The following RIGI variants were observed in gnomAD, a reference collection of about 807,000 sequenced individuals.
RIGI encodes RNA sensor RIG-I, also known as antiviral innate immune response receptor RIG-I.
At chr9:32,460,116 C>T in the RIGI span, among the ~76,000 whole-genome samples, 1 of 152,194 alleles carries the variant, frequency 6.6e-6, no homozygotes, top group Non-Finnish European at 1.5e-5. Context: ...GGTTTATCAG[C>T]GTTTCCACTT....
At chr9:32,495,479 G>T in the RIGI span, among the ~76,000 whole-genome samples, 1 of 151,884 alleles carries the variant, frequency 6.6e-6, no homozygotes. Context: ...GGGATTACAG[G>T]CATGAGCCAC....
the RIGI span, among the ~76,000 whole-genome samples, chr9:32,468,856 TTA>T: frequency 6.6e-6 from 1 of 152,160 alleles, no homozygotes; most frequent in African/African-American, 2.4e-5. Context: ...TACAGTTGTA[TTA>T]TGTTTCTCTA....
chr9:32,493,554 C>T, the RIGI span, among the ~76,000 whole-genome samples: 4 of 150,050 alleles, frequency 2.7e-5, no homozygotes, highest in African/African-American at 4.9e-5. Context: ...ACTCAGGAGG[C>T]GGAGGTTGCA....
chr9:32,487,677 C>T, the RIGI span: 1 of 1,598,308 alleles, frequency 6.3e-7, no homozygotes, highest in Non-Finnish European at 8.6e-7. Flanking sequence ...AGAAATGGTA[C>T]AATGTTTCCA....
the RIGI span, among the ~76,000 whole-genome samples, chr9:32,517,164 G>A: frequency 6.6e-6 from 1 of 152,154 alleles, no homozygotes; most frequent in Non-Finnish European, 1.5e-5. Context: ...CTGTAGTGCT[G>A]TTTGGCCCCA....
the RIGI span, chr9:32,480,466 A>T: frequency 1.2e-5 from 13 of 1,083,968 alleles, no homozygotes; most frequent in African/African-American, 1.4e-4. Flanking sequence ...TTTCTTTTCA[A>T]ATCTATTCCA....
chr9:32,513,437 A>C, the RIGI span, among the ~76,000 whole-genome samples: 1 of 152,218 alleles, frequency 6.6e-6, no homozygotes, highest in East Asian at 1.9e-4. Context: ...ATCTACAACC[A>C]TATGGTCTTT....
the RIGI span, chr9:32,526,081 A>G: frequency 1.2e-6 from 2 of 1,613,696 alleles, no homozygotes; most frequent in Non-Finnish European, 1.7e-6. Flanking sequence ...CCAGGGGGCC[A>G]TGTAGCTCAG....
chr9:32,508,368 G>C, the RIGI span, among the ~76,000 whole-genome samples: 1 of 150,704 alleles, frequency 6.6e-6, no homozygotes, highest in Non-Finnish European at 1.5e-5. Flanking sequence ...CACAGAAGGC[G>C]GGTGATTTCT....
the RIGI span, among the ~76,000 whole-genome samples, chr9:32,525,336 G>T: frequency 1.3e-5 from 2 of 152,212 alleles, no homozygotes; most frequent in African/African-American, 4.8e-5. Context: ...ACAGCATCGG[G>T]TGCTCTACAG....
chr9:32,486,464 A>AAAG, the RIGI span, among the ~76,000 whole-genome samples: 1 of 151,784 alleles, frequency 6.6e-6, no homozygotes, highest in East Asian at 1.9e-4. Flanking sequence ...AAAAAAAAAA[A>AAAG]AAAAAAAAAG....
At chr9:32,458,083 T>C in the RIGI span, among the ~76,000 whole-genome samples, 48,728 of 152,066 alleles carry the variant, frequency 0.32, 8,506 homozygotes, top group Admixed American at 0.4. Context: ...ACAGCTGAGC[T>C]GATGAGAGAT....
the RIGI span, chr9:32,481,590 T>G: frequency 1.1e-6 from 1 of 902,090 alleles, no homozygotes; most frequent in Non-Finnish European, 1.6e-6. Context: ...TTCTTTTTCT[T>G]TTTTTTTTTC....
the RIGI span, chr9:32,480,258 A>C: frequency 6.2e-7 from 1 of 1,611,048 alleles, no homozygotes; most frequent in Non-Finnish European, 8.5e-7. Flanking sequence ...ATCTCATCGA[A>C]TCCTGCTGCT....
At chr9:32,492,223 T>G in the RIGI span, among the ~76,000 whole-genome samples, 1 of 152,196 alleles carries the variant, frequency 6.6e-6, no homozygotes, top group Non-Finnish European at 1.5e-5. Context: ...CCAAACTAAT[T>G]TTGTAGGCAA....
chr9:32,475,399 T>TCAA, the RIGI span, among the ~76,000 whole-genome samples: 5 of 152,262 alleles, frequency 3.3e-5, no homozygotes, highest in East Asian at 9.6e-4. Flanking sequence ...TCACCCCATG[T>TCAA]CAAGACTTAC....
At chr9:32,469,628 T>C in the RIGI span, among the ~76,000 whole-genome samples, 1 of 152,246 alleles carries the variant, frequency 6.6e-6, no homozygotes, top group Admixed American at 6.5e-5. Flanking sequence ...AGTGGGTTTC[T>C]GTTAATCGGG....
At chr9:32,493,939 T>A in the RIGI span, 2 of 1,579,940 alleles carry the variant, frequency 1.3e-6, no homozygotes, top group Non-Finnish European at 8.5e-7. Context: ...AAGTCCAGAA[T>A]AACCTGAAAA....
chr9:32,460,056 C>A, the RIGI span, among the ~76,000 whole-genome samples: 6 of 152,180 alleles, frequency 3.9e-5, no homozygotes, highest in Non-Finnish European at 8.8e-5. Flanking sequence ...GGGGGCCAGT[C>A]TTTCCTGTGC....
Sources: allele counts gnomAD v4.1 joint callset (sites outside exome capture counted in the v4.1 genomes callset), GRCh38; gene constraint gnomAD v4.1.1; transcripts MANE v1.5; gene names NCBI Gene and HGNC (gene_info 2026-07-23, HGNC 2026-07-21).